Variants in CFH observed in about 807,000 individuals in gnomAD.
CFH encodes the protein H factor 1 (complement).
Under a neutral mutation model 147.3 loss-of-function variants are expected in CFH, and 53 were observed. That is an observed-to-expected ratio of 0.36 (90% CI 0.29 to 0.45). The LOEUF is 0.45. Ranked by LOEUF, CFH falls within the 20% of genes least tolerant of loss-of-function variation. The pLI, the probability that CFH is intolerant of heterozygous loss-of-function variation, is 1.00. For missense variants in CFH, 1,380 were observed against 1,498.0 expected, an observed-to-expected ratio of 0.92 and a Z score of 1.30; for synonymous variants, 536 against 489.4, an observed-to-expected ratio of 1.10 and a Z score of -1.26.
intron 11 of CFH, 108 bp from the exon 12 acceptor site, chr1:196,725,013 C>T: frequency 1.2e-6 from 1 of 824,060 alleles, no homozygotes; most frequent in Middle Eastern, 2.8e-4. Context: ...TTATCTGATG[C>T]CCCTCTGTAT....
At chr1:196,669,438 A>G (rs1288472871) in intron 1 of CFH, among the ~76,000 whole-genome samples, 2 of 152,202 alleles carry the variant, frequency 1.3e-5, no homozygotes, top group Non-Finnish European at 2.9e-5. Flanking sequence ...CTCGGAAGGA[A>G]AAATGGTTTT....
chr1:196,656,259 A>T (rs776292749), intron 1 of CFH, among the ~76,000 whole-genome samples: 1 of 151,462 alleles, frequency 6.6e-6, no homozygotes, highest in Non-Finnish European at 1.5e-5. Flanking sequence ...AGCTGAGATC[A>T]TGCCATTGCC....
rs1667971657 is a variant in CFH at position 196,690,093 on chromosome 1, G to A, written c.1190G>A (p.Gly397Glu). 1 of 1,610,726 alleles carries A rather than the reference G, an allele frequency of 6.2e-7. No homozygotes were observed. Among genetic ancestry groups the A allele is most frequent in the Admixed American group, 1.7e-5 (1 of 59,834 alleles). Residue 397 changes from glycine (G) to glutamate (E), a missense_variant, in exon 9 of 22, where the codon GGA becomes GAA. By Grantham distance (98) the Gly-to-Glu change is moderately conservative (BLOSUM62 -2). This residue lies in a region of CFH where 167 missense variants were observed against 228.0 expected (regional missense o/e 0.73). Coordinates refer to ENST00000367429, the MANE Select transcript of CFH (RefSeq NM_000186.4). ...TGTTATTTTCCTTATTTGGAAAATG[G>A]ATATAATCAAAATCATGGAAGAAAG... ...RKCYFPYLEN[G>E]YNQNHGRKFV... is the part of the protein sequence containing the mutation.
intron 4 of CFH, 62 bp from the exon 5 acceptor site, chr1:196,677,414 A>G: frequency 7.0e-7 from 1 of 1,429,754 alleles, no homozygotes; most frequent in Non-Finnish European, 9.8e-7. Flanking sequence ...TTATACATAC[A>G]CATATTTTTC....
intron 16 of CFH, among the ~76,000 whole-genome samples, 181 bp downstream of exon 16, chr1:196,737,187 C>T (rs977527227): frequency 6.6e-6 from 1 of 151,988 alleles, no homozygotes; most frequent in Non-Finnish European, 1.5e-5. Context: ...CAAAATACAG[C>T]CAAAATCTTT....
At chr1:196,657,663 A>G (rs2149067498) in intron 1 of CFH, among the ~76,000 whole-genome samples, 1 of 152,248 alleles carries the variant, frequency 6.6e-6, no homozygotes, top group East Asian at 1.9e-4. Flanking sequence ...AATGCAAAAT[A>G]CCTATTTTTG....
chr1:196,746,577 A>T (rs397834632), intron 21 of CFH, among the ~76,000 whole-genome samples: 17 of 152,348 alleles, frequency 1.1e-4, no homozygotes, highest in Admixed American at 3.3e-4. Context: ...TATGCTACAA[A>T]GATTACCACA....
chr1:196,743,769 T>G, intron 20 of CFH, 141 bp downstream of exon 20: 3 of 1,263,002 alleles, frequency 2.4e-6, no homozygotes, highest in Non-Finnish European at 3.4e-6. Flanking sequence ...AATTCAATTC[T>G]TCCTGTGAAC....
At chr1:196,694,531 T>A (rs1573034193) in intron 9 of CFH, among the ~76,000 whole-genome samples, 3 of 152,174 alleles carry the variant, frequency 2.0e-5, no homozygotes, top group East Asian at 3.9e-4. Context: ...GTAATGGGAT[T>A]GCTGGGTCAA....
At chr1:196,727,915 T>A (rs973025786) in intron 14 of CFH, among the ~76,000 whole-genome samples, 2 of 152,166 alleles carry the variant, frequency 1.3e-5, no homozygotes, top group African/African-American at 2.4e-5. Flanking sequence ...ACAGTGTGAC[T>A]TGAGATGTAC....
chr1:196,676,404 A>G lies in CFH; in HGVS notation c.427+339A>G, dbSNP rs144556386. Among the ~76,000 whole-genome samples the G allele has an allele frequency of 5.5e-4, 83 of 152,208 alleles. No homozygotes were observed. The East Asian group carries it at 0.015, about 28-fold the overall frequency. ...AATTTTGCCTTTATTAATGAAGAAG[A>G]ACTCACCCAGTAACCACCCAAATGC... On this transcript the variant is annotated intron_variant, in intron 4 of 21. Transcript: ENST00000367429.
intron 9 of CFH, among the ~76,000 whole-genome samples, chr1:196,704,719 C>G (rs917288767): frequency 3.9e-5 from 6 of 152,190 alleles, no homozygotes; most frequent in African/African-American, 9.7e-5. Context: ...CTGCTAATGG[C>G]CTTCCTGCAA....
intron 15 of CFH, among the ~76,000 whole-genome samples, chr1:196,734,511 C>T (rs1228180450): frequency 1.3e-5 from 2 of 152,070 alleles, no homozygotes; most frequent in Non-Finnish European, 2.9e-5. Flanking sequence ...ATGCTTAGTT[C>T]ACTCTTATCT....
intron 9 of CFH, 123 bp downstream of exon 9, chr1:196,690,362 C>T: frequency 7.0e-7 from 1 of 1,418,450 alleles, no homozygotes; most frequent in Non-Finnish European, 9.9e-7. Flanking sequence ...TACCAATGGA[C>T]CTATTTAGTT....
intron 1 of CFH, among the ~76,000 whole-genome samples, chr1:196,672,029 C>A (rs1218798160): frequency 6.6e-6 from 1 of 151,872 alleles, no homozygotes; most frequent in Non-Finnish European, 1.5e-5. Context: ...TGAGTCAGAT[C>A]CATTTTCTTA....
intron 5 of CFH, 54 bp downstream of exon 5, chr1:196,677,721 T>C (rs1008560658): frequency 9.5e-6 from 14 of 1,481,282 alleles, no homozygotes; most frequent in African/African-American, 2.8e-5. Flanking sequence ...TAAATATACA[T>C]TTAAAACATC....
intron 9 of CFH, among the ~76,000 whole-genome samples, chr1:196,703,229 A>G (rs1414427775): frequency 1.3e-5 from 2 of 152,170 alleles, no homozygotes; most frequent in African/African-American, 4.8e-5. Context: ...CACTCCATCT[A>G]TGGTAGAACC....
At chr1:196,722,035 A>G (rs1271681162) in intron 11 of CFH, among the ~76,000 whole-genome samples, 2 of 151,940 alleles carry the variant, frequency 1.3e-5, no homozygotes, top group Non-Finnish European at 2.9e-5. Flanking sequence ...CATTTAATCT[A>G]TTTATGTTAA....
At chr1:196,676,700 G>A (rs2149080191) in intron 4 of CFH, among the ~76,000 whole-genome samples, 1 of 152,194 alleles carries the variant, frequency 6.6e-6, no homozygotes, top group South Asian at 2.1e-4. Context: ...GGCAAGTGGA[G>A]AGAGATACAG....
Sources: gnomAD v4.1 joint callset for allele counts (sites outside exome capture counted in the v4.1 genomes callset) on GRCh38, gnomAD v4.1.1 for gene constraint, gnomAD v4.1.1 regional missense constraint, MANE v1.5 for transcripts, NCBI Gene and HGNC (gene_info 2026-07-23, HGNC 2026-07-21) for gene names.